PAK3: variants seen among roughly 807,000 people sequenced by gnomAD.
PAK3 encodes serine/threonine-protein kinase PAK 3.
In PAK3, 4 loss-of-function variants were observed where a neutral mutation model predicts 41.0. That is an observed-to-expected ratio of 0.10 (90% CI 0.05 to 0.22). PAK3 has a LOEUF of 0.22. PAK3 is among the 10% of genes least tolerant of loss of function. The pLI is 1.00. For synonymous variants in PAK3, 146 were observed against 139.6 expected, an observed-to-expected ratio of 1.05 and a Z score of -0.32; for missense variants, 205 against 409.9, an observed-to-expected ratio of 0.50 and a Z score of 4.32.
chrX:111,210,753 C>A lies in PAK3; in HGVS notation c.1408-5668C>A, dbSNP rs140967086. On this transcript the variant is annotated intron_variant, in intron 16 of 17. Transcript: ENST00000372007. The stretch of plus-strand genomic sequence containing the variant: ...CTCACAATCTAGGAAGGAAGACAGA[C>A]CTGTAAACAAATAACAAGTGTTCAT... 4.9e-3 allele frequency among the ~76,000 whole-genome samples: 552 copies of A among 111,778 alleles called. 2 individuals carry two copies. Among genetic ancestry groups the A allele is most frequent in the South Asian group, 0.016 (44 of 2,669 alleles).
chrX:110,945,457 A>T (rs1473159190), intron 1 of PAK3, among the ~76,000 whole-genome samples: 1 of 111,901 alleles, frequency 8.9e-6, no homozygotes, highest in African/African-American at 3.3e-5. Context: ...ATTTCGAGCC[A>T]GGTTGACCAA....
intron 16 of PAK3, among the ~76,000 whole-genome samples, chrX:111,208,557 A>G (rs922489418): frequency 1.8e-5 from 2 of 112,026 alleles, no homozygotes; most frequent in East Asian, 5.6e-4. Context: ...AACACACTGC[A>G]CTAGTCACCT....
In PAK3 at chrX:111,173,527, G is replaced by A. The variant is rs904695698; in HGVS notation, c.830+446G>A. On this transcript the variant is annotated intron_variant, in intron 11 of 17. Transcript: ENST00000372007. ...GGGGAATGTCCTTATGGAATGATCCGGAGGTAGGCAGAGTTGACTATCTGA... is the reference window on the plus strand; with the variant it reads ...GGGGAATGTCCTTATGGAATGATCCAGAGGTAGGCAGAGTTGACTATCTGA... Among the ~76,000 whole-genome samples, 9 of 111,185 alleles carry A rather than the reference G, an allele frequency of 8.1e-5. No individual in the cohort carries two copies. In the South Asian group the frequency reaches 1.1e-3, roughly 14 times the overall value.
intron 1 of PAK3, among the ~76,000 whole-genome samples, chrX:111,066,816 G>A (rs1241671427): frequency 1.8e-5 from 2 of 112,388 alleles, no homozygotes; most frequent in African/African-American, 6.5e-5. Flanking sequence ...ACAACTCTGT[G>A]AGATATGTAC....
chrX:111,126,884 G>T (rs981860354), intron 5 of PAK3, among the ~76,000 whole-genome samples: 1 of 110,965 alleles, frequency 9.0e-6, no homozygotes, highest in Non-Finnish European at 1.9e-5. Flanking sequence ...AATTTTATAA[G>T]CCGGAGGTAA....
At chrX:110,975,664 C>T (rs1263223697) in intron 1 of PAK3, among the ~76,000 whole-genome samples, 1 of 111,532 alleles carries the variant, frequency 9.0e-6, no homozygotes, top group Non-Finnish European at 1.9e-5. Flanking sequence ...CAATTCTAGG[C>T]AAAAAGAACC....
chrX:111,109,403 T>C (rs919896734), intron 4 of PAK3, among the ~76,000 whole-genome samples: 2 of 111,798 alleles, frequency 1.8e-5, no homozygotes, highest in Admixed American at 9.4e-5. Context: ...TGTTTTCCTT[T>C]AAGTCTTTAT....
intron 8 of PAK3, 76 bp downstream of exon 8, chrX:111,152,523 A>G (rs754464761): frequency 1.5e-6 from 1 of 687,955 alleles, no homozygotes; most frequent in Admixed American, 2.4e-5. Flanking sequence ...GCACAGATCC[A>G]GTTTTTAGAT....
chrX:110,995,154 T>C (rs1402622553), intron 1 of PAK3, among the ~76,000 whole-genome samples: 1 of 110,925 alleles, frequency 9.0e-6, no homozygotes, highest in Admixed American at 9.6e-5. Context: ...CCTACCCCTC[T>C]CCCCTAGAAA....
chrX:111,113,204 A>G (rs1359674809), intron 4 of PAK3, among the ~76,000 whole-genome samples: 1 of 111,797 alleles, frequency 8.9e-6, no homozygotes, highest in African/African-American at 3.2e-5. Flanking sequence ...CGCTGGGAAT[A>G]TTAGCTATCC....
At chrX:111,094,081 T>C (rs767196695), upstream of PAK3, among the ~76,000 whole-genome samples, 1 of 103,439 alleles carries the variant, frequency 9.7e-6, no homozygotes, top group Non-Finnish European at 2.0e-5. Context: ...ATGTGGTTGC[T>C]TTTTTTTTTT....
intron 1 of PAK3, among the ~76,000 whole-genome samples, chrX:110,962,658 GCC>G (rs1455897901): frequency 1.8e-5 from 2 of 112,400 alleles, no homozygotes; most frequent in Non-Finnish European, 3.8e-5. Context: ...GGCCGAGCAG[GCC>G]ACATAACAGG....
rs184572726 is a variant in PAK3 at position 111,005,979 on chromosome X, G to A, written c.-28+61351G>A. Among the ~76,000 whole-genome samples, 557 of 111,444 alleles carry A rather than the reference G, an allele frequency of 5.0e-3. 5 individuals carry two copies. The highest frequency in any genetic ancestry group is 0.023 in the Middle Eastern group (5 of 218). ...GAGGTCTAGACAAATTATACCCAGGGTTTACCCTGCTGACAAGAGTTCCTA... is the reference window on the plus strand; with the variant it reads ...GAGGTCTAGACAAATTATACCCAGGATTTACCCTGCTGACAAGAGTTCCTA... On this transcript the variant is annotated intron_variant, in intron 1 of 14. Coordinates refer to the PAK3 transcript ENST00000425146.
chrX:111,185,829 G>A (rs1200254702), intron 11 of PAK3, among the ~76,000 whole-genome samples: 1 of 110,487 alleles, frequency 9.1e-6, no homozygotes, highest in Admixed American at 9.7e-5. Flanking sequence ...TTTTTGCTTA[G>A]GATTGTCTTG....
chrX:111,216,704 G>T, intron 17 of PAK3, 146 bp downstream of exon 17: 1 of 537,590 alleles, frequency 1.9e-6, no homozygotes, highest in South Asian at 2.8e-5. Context: ...CTATAGGCAC[G>T]CATCTAATAC....
At chrX:111,198,308 G>T (rs1393480374) in intron 16 of PAK3, among the ~76,000 whole-genome samples, 2 of 112,389 alleles carry the variant, frequency 1.8e-5, no homozygotes, top group Non-Finnish European at 3.8e-5. Flanking sequence ...TTCTTTTGCT[G>T]TGCAGAAGCT....
intron 16 of PAK3, among the ~76,000 whole-genome samples, chrX:111,197,642 A>C (rs960328952): frequency 1.8e-5 from 2 of 111,817 alleles, no homozygotes; most frequent in African/African-American, 6.5e-5. Context: ...TCCCTCCAGC[A>C]GTCTATAAGC....
At chrX:111,138,301 G>A (rs1339220211) in intron 5 of PAK3, among the ~76,000 whole-genome samples, 1 of 111,267 alleles carries the variant, frequency 9.0e-6, no homozygotes, top group Admixed American at 9.6e-5. Context: ...TCCCATTCGT[G>A]ATAGCTATTA....
intron 1 of PAK3, among the ~76,000 whole-genome samples, chrX:111,054,843 C>T (rs1342736848): frequency 9.0e-6 from 1 of 111,620 alleles, no homozygotes; most frequent in Non-Finnish European, 1.9e-5. Flanking sequence ...GATCTCCGGG[C>T]CCCCTTATAA....
Sources: allele counts gnomAD v4.1 joint callset (sites outside exome capture counted in the v4.1 genomes callset), GRCh38; gene constraint gnomAD v4.1.1; transcripts MANE v1.5; gene names NCBI Gene and HGNC (gene_info 2026-07-23, HGNC 2026-07-21).